Variants in FGD4 observed in about 807,000 individuals in gnomAD.
FGD4 encodes FYVE, RhoGEF and PH domain containing 4, also known as FYVE, RhoGEF and PH domain-containing protein 4.
A neutral mutation model predicts 102.0 loss-of-function variants in FGD4; 42 were observed. That is an observed-to-expected ratio of 0.41 (90% confidence interval 0.32 to 0.53). The LOEUF is 0.53. Ranked by LOEUF, FGD4 falls within the 20% of genes least tolerant of loss-of-function variation. The pLI, the probability that FGD4 is intolerant of heterozygous loss-of-function variation, is 0.21. For missense variants in FGD4, 902 were observed against 1,078.2 expected (o/e 0.84, Z 2.29); for synonymous variants, 380 against 375.7 (o/e 1.01, Z -0.13).
chr12:32,426,801 A>G (rs918694548), intron 1 of FGD4, among the ~76,000 whole-genome samples: 5 of 151,292 alleles, frequency 3.3e-5, no homozygotes, highest in Non-Finnish European at 7.4e-5. Context: ...GGGAGGGTGT[A>G]TGTGTCCAGG....
At chr12:32,492,269 G>A (rs181564288) in intron 1 of FGD4, among the ~76,000 whole-genome samples, 32 of 152,300 alleles carry the variant, frequency 2.1e-4, no homozygotes, top group Admixed American at 1.6e-3. Context: ...TGAAATAAAA[G>A]TTAATTAAGT....
At chr12:32,619,539 G>A (rs1335624118) in intron 10 of FGD4, among the ~76,000 whole-genome samples, 159 bp from the exon 11 acceptor site, 1 of 152,018 alleles carries the variant, frequency 6.6e-6, no homozygotes, top group Non-Finnish European at 1.5e-5. Flanking sequence ...GGCTGAGGCA[G>A]GAGAATGGCG....
chr12:32,495,664 C>A (rs191890059), intron 1 of FGD4, among the ~76,000 whole-genome samples: 2 of 148,150 alleles, frequency 1.3e-5, no homozygotes, highest in South Asian at 2.1e-4. Context: ...CCACTGCACT[C>A]CAGCCTGGGC....
chr12:32,543,273 C>G (rs904676147), intron 1 of FGD4, among the ~76,000 whole-genome samples: 1 of 152,106 alleles, frequency 6.6e-6, no homozygotes, highest in Non-Finnish European at 1.5e-5. Context: ...CATGGGTGCT[C>G]CTGTCCCATG....
chr12:32,564,366 C>T (rs950429161), intron 2 of FGD4, 77 bp downstream of exon 2: 118 of 1,473,322 alleles, frequency 8.0e-5, no homozygotes, highest in African/African-American at 4.2e-5. Context: ...ATGATGGCCA[C>T]AAAGAAAGTG....
intron 1 of FGD4, among the ~76,000 whole-genome samples, chr12:32,524,806 AGAGT>A (rs1453396588): frequency 6.7e-6 from 1 of 149,230 alleles, no homozygotes; most frequent in African/African-American, 2.4e-5. Context: ...CCTGGGTGAC[AGAGT>A]GAGACACTGT....
chr12:32,587,155 A>T (rs1482165315), intron 4 of FGD4, among the ~76,000 whole-genome samples: 1 of 140,356 alleles, frequency 7.1e-6, no homozygotes, highest in Non-Finnish European at 1.5e-5. Context: ...GCACCATTGC[A>T]CTCCAGCCTG....
At chr12:32,565,119 A>G (rs1225875588) in intron 2 of FGD4, among the ~76,000 whole-genome samples, 2 of 152,216 alleles carry the variant, frequency 1.3e-5, no homozygotes, top group African/African-American at 4.8e-5. Flanking sequence ...GTGTTTACTT[A>G]GTTCTCTTTC....
At chr12:32,627,302 GCAC>G (rs1950239026) in intron 14 of FGD4, among the ~76,000 whole-genome samples, 1 of 151,806 alleles carries the variant, frequency 6.6e-6, no homozygotes, top group African/African-American at 2.4e-5. Context: ...TTTTGGGCAT[GCAC>G]CACCACGCCT....
intron 1 of FGD4, among the ~76,000 whole-genome samples, chr12:32,516,593 T>G (rs1233195076): frequency 2.0e-5 from 3 of 152,232 alleles, no homozygotes; most frequent in Non-Finnish European, 4.4e-5. Flanking sequence ...ATGCTTACAT[T>G]GATGCATATG....
At chr12:32,486,105 A>G (rs1171772590) in intron 1 of FGD4, 2 of 1,527,862 alleles carry the variant, frequency 1.3e-6, no homozygotes, top group Admixed American at 2.0e-5. Flanking sequence ...TAATCAGAAG[A>G]TTGCTGGATG....
intron 7 of FGD4, among the ~76,000 whole-genome samples, chr12:32,603,439 G>A (rs113727528): frequency 0.28 from 42,726 of 151,474 alleles, 6,251 homozygotes; most frequent in Middle Eastern, 0.48. Context: ...CCAGGCTGGA[G>A]TGCAGTGGCG....
chr12:32,622,527 C>G (rs997303359), intron 11 of FGD4, among the ~76,000 whole-genome samples: 2 of 152,162 alleles, frequency 1.3e-5, no homozygotes, highest in African/African-American at 2.4e-5. Context: ...TCTTATTGCT[C>G]TAGTTATATT....
chr12:32,460,502 CA>C (rs111317093), intron 1 of FGD4, among the ~76,000 whole-genome samples: 3,231 of 127,270 alleles, frequency 0.025, 52 homozygotes, highest in Middle Eastern at 0.045. Flanking sequence ...GACCCGGTCT[CA>C]AAAAAAAAAA....
intron 5 of FGD4, 141 bp from the exon 6 acceptor site, chr12:32,601,136 TA>T: frequency 1.2e-6 from 1 of 813,920 alleles, no homozygotes. Context: ...TACTCACTCC[TA>T]AATTTCAAAG....
At chr12:32,407,572 A>G (rs766974295) in intron 1 of FGD4, among the ~76,000 whole-genome samples, 10 of 152,348 alleles carry the variant, frequency 6.6e-5, no homozygotes, top group Middle Eastern at 3.4e-3. Flanking sequence ...AAGGAATGCT[A>G]TAGATTGTCC....
Position 32,642,038 on chromosome 12 carries a change from G to C in FGD4, c.*1505G>C, listed in dbSNP as rs1324838828. 1 of 152,074 alleles carries C rather than the reference G, an allele frequency of 6.6e-6. No individual in the cohort carries two copies. The highest frequency in any genetic ancestry group is 6.6e-5 in the Admixed American group (1 of 15,260). The allele number at this position is 152,074 out of a possible 1,614,324, so 9.4% of individuals were successfully genotyped here. A position where few individuals can be genotyped will look rare whatever the true frequency, so the allele number is the denominator to read the frequency against. On this transcript the variant is annotated 3_prime_UTR_variant, in exon 17 of 17. Transcript: ENST00000534526. ...AGGATTACACCTTAGATATAGAATA[G>C]AATTTGAGACTGCCACACATTTATT...
At chr12:32,550,796 G>A (rs949706616) in intron 1 of FGD4, among the ~76,000 whole-genome samples, 1 of 151,872 alleles carries the variant, frequency 6.6e-6, no homozygotes, top group East Asian at 1.9e-4. Context: ...ACGTCAAATG[G>A]AGAAGAAATG....
intron 10 of FGD4, among the ~76,000 whole-genome samples, chr12:32,611,877 A>C (rs971290673): frequency 6.6e-6 from 1 of 152,224 alleles, no homozygotes; most frequent in East Asian, 1.9e-4. Context: ...CTGCCGACTC[A>C]GGCATTCCTG....
Sources: gnomAD v4.1 joint callset for allele counts (sites outside exome capture counted in the v4.1 genomes callset) on GRCh38, gnomAD v4.1.1 for gene constraint, MANE v1.5 for transcripts, NCBI Gene and HGNC (gene_info 2026-07-23, HGNC 2026-07-21) for gene names.